Variants in PHF21A observed in about 807,000 individuals in gnomAD.
PHF21A encodes BHC80a.
A neutral mutation model predicts 82.5 loss-of-function variants in PHF21A; 11 were observed. That is an observed-to-expected ratio of 0.13 (90% CI 0.08 to 0.22). The LOEUF (loss-of-function observed/expected upper bound fraction) is 0.22. PHF21A is among the 10% of genes least tolerant of loss of function. The probability of loss-of-function intolerance (pLI) is 1.00; values close to 1 mark genes in which losing one functional copy is unlikely to be tolerated. For missense variants in PHF21A, 579 were observed against 837.8 expected (o/e 0.69, Z 3.81); for synonymous variants, 297 against 302.8 (o/e 0.98, Z 0.20).
At chr11:46,021,425 T>TCC (rs2095628962) in intron 6 of PHF21A, among the ~76,000 whole-genome samples, 1 of 152,060 alleles carries the variant, frequency 6.6e-6, no homozygotes, top group Non-Finnish European at 1.5e-5. Flanking sequence ...ACACCATACC[T>TCC]CCATCAGTAT....
chr11:46,107,121 C>T (rs2097160519), intron 1 of PHF21A, among the ~76,000 whole-genome samples: 1 of 152,198 alleles, frequency 6.6e-6, no homozygotes, highest in African/African-American at 2.4e-5. Flanking sequence ...ATTATTACAA[C>T]TTATATTTTA....
chr11:46,075,404 G>A (rs541710594), intron 6 of PHF21A, among the ~76,000 whole-genome samples: 10 of 152,254 alleles, frequency 6.6e-5, no homozygotes, highest in South Asian at 2.1e-4. Flanking sequence ...ATTCATTGGC[G>A]TCTTGTCAAA....
chr11:46,043,769 T>C (rs2096202529), intron 6 of PHF21A, among the ~76,000 whole-genome samples: 1 of 152,118 alleles, frequency 6.6e-6, no homozygotes, highest in African/African-American at 2.4e-5. Context: ...CACTCAGAGA[T>C]GAGAGGACCC....
At chr11:45,963,200 G>A (rs1050564107) in intron 10 of PHF21A, among the ~76,000 whole-genome samples, 3 of 151,706 alleles carry the variant, frequency 2.0e-5, no homozygotes, top group South Asian at 4.2e-4. Flanking sequence ...CAGGTGGGTC[G>A]CCTGAGGTCA....
chr11:46,056,278 T>C (rs1382360088), intron 6 of PHF21A, among the ~76,000 whole-genome samples: 1 of 152,120 alleles, frequency 6.6e-6, no homozygotes, highest in Non-Finnish European at 1.5e-5. Context: ...TCTTACCCCA[T>C]GGGACACCTG....
intron 1 of PHF21A, among the ~76,000 whole-genome samples, chr11:46,108,103 G>A (rs1429851578): frequency 6.6e-6 from 1 of 151,724 alleles, no homozygotes; most frequent in Admixed American, 6.6e-5. Flanking sequence ...CTTTTTTACA[G>A]GTTTGCCCCA....
intron 6 of PHF21A, among the ~76,000 whole-genome samples, chr11:45,997,767 G>A (rs1272018577): frequency 1.3e-5 from 2 of 152,078 alleles, no homozygotes; most frequent in Admixed American, 1.3e-4. Flanking sequence ...CTTGTCTCAC[G>A]GTGCAAATCA....
intron 6 of PHF21A, among the ~76,000 whole-genome samples, chr11:46,002,699 G>A (rs774285576): frequency 2.6e-5 from 4 of 152,112 alleles, no homozygotes; most frequent in Non-Finnish European, 5.9e-5. Flanking sequence ...CCCGTAAAAT[G>A]TCCTATGTGT....
At chr11:46,062,961 G>A (rs1015693511) in intron 6 of PHF21A, among the ~76,000 whole-genome samples, 4 of 152,120 alleles carry the variant, frequency 2.6e-5, no homozygotes, top group African/African-American at 7.2e-5. Context: ...AAGGATGAGC[G>A]AGACGACCAA....
At chr11:45,941,218 C>T (rs930666081) in intron 15 of PHF21A, among the ~76,000 whole-genome samples, 8 of 152,158 alleles carry the variant, frequency 5.3e-5, no homozygotes, top group African/African-American at 9.7e-5. Flanking sequence ...CCCACCTCAG[C>T]CTCCCAAGTA....
intron 16 of PHF21A, 79 bp downstream of exon 16, chr11:45,938,078 T>TC (rs1350463102): frequency 7.1e-6 from 9 of 1,267,526 alleles, no homozygotes; most frequent in Non-Finnish European, 9.8e-6. Context: ...GACTGCCATT[T>TC]CCCCGGGAAA....
rs112698604 is a variant in PHF21A at position 46,059,943 on chromosome 11, G to A, written c.153+16811C>T. Among the ~76,000 whole-genome samples, 679 of 152,008 alleles carry A rather than the reference G, an allele frequency of 4.5e-3. 5 individuals carry two copies. The highest frequency in any genetic ancestry group is 0.015 in the African/African-American group (604 of 41,456). The stretch of plus-strand genomic sequence containing the variant: ...TTTTTAGTACAGATGGGGTTTCGCC[G>A]ATGTTGGCCAGCCTGGTCTCAAACT... On this transcript the variant is annotated intron_variant, in intron 6 of 18. Coordinates refer to ENST00000676320, the MANE Select transcript of PHF21A (RefSeq NM_001352027.3).
At chr11:45,976,129 G>GCCTA (rs1477338192) in intron 7 of PHF21A, among the ~76,000 whole-genome samples, 1 of 152,010 alleles carries the variant, frequency 6.6e-6, no homozygotes, top group African/African-American at 2.4e-5. Flanking sequence ...AACCACACCA[G>GCCTA]CCTACTTACG....
intron 6 of PHF21A, among the ~76,000 whole-genome samples, chr11:46,009,903 G>GTGTT (rs1443865066): frequency 6.6e-6 from 1 of 152,180 alleles, no homozygotes; most frequent in African/African-American, 2.4e-5. Flanking sequence ...TAGGTGCTAA[G>GTGTT]TGTTTCCTTG....
At chr11:46,038,299 TG>T (rs1448274345) in intron 6 of PHF21A, among the ~76,000 whole-genome samples, 1 of 152,128 alleles carries the variant, frequency 6.6e-6, no homozygotes, top group Admixed American at 6.5e-5. Context: ...GGCTAATTTT[TG>T]TATTTTTAGT....
At chr11:46,046,620 C>G (rs1158980257) in intron 6 of PHF21A, among the ~76,000 whole-genome samples, 1 of 152,148 alleles carries the variant, frequency 6.6e-6, no homozygotes, top group Non-Finnish European at 1.5e-5. Context: ...ATATTTCCCT[C>G]ATATATCTTC....
At chr11:45,971,890 C>CTTTCTTTCTTTTTTTTTTTTT (rs57081937) in intron 7 of PHF21A, among the ~76,000 whole-genome samples, 1 of 50,294 alleles carries the variant, frequency 2.0e-5, no homozygotes, top group African/African-American at 6.3e-5. Context: ...CTTTTTCTTT[C>CTTTCTTTCTTTTTTTTTTTTT]TTTTTTTTTT....
intron 11 of PHF21A, among the ~76,000 whole-genome samples, chr11:45,951,071 C>CTTCA (rs571255786): frequency 1.3e-5 from 2 of 152,346 alleles, no homozygotes; most frequent in Non-Finnish European, 2.9e-5. Context: ...CGTTAAGACT[C>CTTCA]TTCAAGCCAG....
Position 45,933,985 on chromosome 11 carries a change from C to G in PHF21A, c.2029G>C (p.Gly677Arg). 6.3e-7 allele frequency: 1 copy of G among 1,575,026 alleles called. No homozygotes were observed. Residue 677 changes from glycine to arginine, a missense_variant, in exon 19 of 19, where the codon GGG becomes CGG. By Grantham distance (125) the Gly-to-Arg change is moderately radical. This residue lies in a region of PHF21A where 157 missense variants were observed against 149.4 expected (regional missense o/e 1.05). Transcript: ENST00000676320. ...SQSCTANCNQ[G>R]EETK ...GGGCTCTGTTATTTAGTCTCTTCCC[C>G]CTGGTTACAGTTCGCTGTGCAGCTC... is the stretch of plus-strand genomic sequence containing the variant.
Sources: allele counts gnomAD v4.1 joint callset (sites outside exome capture counted in the v4.1 genomes callset), GRCh38; gene constraint gnomAD v4.1.1; regional missense constraint gnomAD v4.1.1; transcripts MANE v1.5; gene names NCBI Gene and HGNC (gene_info 2026-07-23, HGNC 2026-07-21).